Variants in CSMD1 observed in about 807,000 individuals in gnomAD.
CSMD1 encodes the protein CUB and Sushi multiple domains 1, also known as CUB and sushi domain-containing protein 1.
In CSMD1, 213 loss-of-function variants were observed where a neutral mutation model predicts 417.5. The observed-to-expected ratio is 0.51, with a 90% CI of 0.46 to 0.57. The LOEUF (loss-of-function observed/expected upper bound fraction) is 0.57. Ranked by LOEUF, CSMD1 falls within the 20% of genes least tolerant of loss-of-function variation. The pLI is 0.00. For missense variants in CSMD1, 6,923 were observed against 4,529.7 expected, an observed-to-expected ratio of 1.53 and a Z score of -15.17; for synonymous variants, 2,862 against 1,736.8, an observed-to-expected ratio of 1.65 and a Z score of -16.11.
chr8:4,784,741 A>C (rs1183333661), intron 1 of CSMD1, among the ~76,000 whole-genome samples: 8 of 152,238 alleles, frequency 5.3e-5, no homozygotes, highest in Non-Finnish European at 2.9e-5. Context: ...GATTTAAATG[A>C]AGTCATATCT....
chr8:4,890,982 G>C (rs1382202971), intron 1 of CSMD1, among the ~76,000 whole-genome samples: 1 of 152,056 alleles, frequency 6.6e-6, no homozygotes, highest in Non-Finnish European at 1.5e-5. Context: ...TTCATAGTAA[G>C]AACACATGTT....
chr8:4,733,044 T>C (rs754784927), intron 1 of CSMD1, among the ~76,000 whole-genome samples: 14 of 151,650 alleles, frequency 9.2e-5, no homozygotes, highest in East Asian at 5.8e-4. Flanking sequence ...AATCCCCAAA[T>C]GAAAAATAAC....
At chr8:3,938,427 T>C (rs1399726743) in intron 5 of CSMD1, among the ~76,000 whole-genome samples, 1 of 152,196 alleles carries the variant, frequency 6.6e-6, no homozygotes, top group Non-Finnish European at 1.5e-5. Context: ...AAAAGAATAG[T>C]AGAGCTTAAT....
chr8:4,688,223 A>T (rs377072523), intron 1 of CSMD1, among the ~76,000 whole-genome samples: 1 of 152,182 alleles, frequency 6.6e-6, no homozygotes, highest in East Asian at 1.9e-4. Context: ...ATCAATCCTT[A>T]TATCTTACGT....
At chr8:3,480,930 G>T (rs1450386471) in intron 11 of CSMD1, among the ~76,000 whole-genome samples, 1 of 151,992 alleles carries the variant, frequency 6.6e-6, no homozygotes, top group African/African-American at 2.4e-5. Context: ...GCCGAGGTGA[G>T]CGGATCACAA....
At chr8:4,584,934 G>T (rs915439984) in intron 2 of CSMD1, among the ~76,000 whole-genome samples, 2 of 152,092 alleles carry the variant, frequency 1.3e-5, no homozygotes, top group African/African-American at 2.4e-5. Flanking sequence ...AAGGAGATCA[G>T]CCCCAGTCTA....
intron 3 of CSMD1, among the ~76,000 whole-genome samples, chr8:4,091,675 C>G (rs932951862): frequency 1.3e-5 from 2 of 152,132 alleles, no homozygotes; most frequent in East Asian, 1.9e-4. Flanking sequence ...TGCTCACTCC[C>G]TAAAATCTGT....
At chr8:4,987,942 G>A (rs1811266622) in intron 1 of CSMD1, among the ~76,000 whole-genome samples, 1 of 152,220 alleles carries the variant, frequency 6.6e-6, no homozygotes, top group Admixed American at 6.5e-5. Context: ...GCCACAGGCT[G>A]AAGACTGCAC....
intron 3 of CSMD1, among the ~76,000 whole-genome samples, chr8:4,324,909 A>T (rs1483051116): frequency 6.6e-6 from 1 of 152,130 alleles, no homozygotes; most frequent in Non-Finnish European, 1.5e-5. Context: ...TCCTGAGTTG[A>T]TTCTAGGTAT....
At chr8:3,955,637 C>T (rs1811889651) in intron 5 of CSMD1, among the ~76,000 whole-genome samples, 1 of 152,110 alleles carries the variant, frequency 6.6e-6, no homozygotes, top group South Asian at 2.1e-4. Flanking sequence ...ATAAATACCT[C>T]ACTACTTCCT....
At chr8:4,378,447 A>G (rs1024385032) in intron 3 of CSMD1, among the ~76,000 whole-genome samples, 37 of 152,174 alleles carry the variant, frequency 2.4e-4, no homozygotes, top group African/African-American at 8.9e-4. Context: ...CTCAAAAATT[A>G]TTCTCTGTCT....
At position 3,230,029 on chromosome 8, in the gene CSMD1, T is replaced by C; in HGVS notation, c.4345+11A>G. ...CTGAATATAAAATTTCTAAGTTCTG[T>C]TGTCTGATACCTATGCATGTAGGAG... is the stretch of plus-strand genomic sequence containing the variant. On this transcript the variant is annotated intron_variant, in intron 27 of 69. Transcript: ENST00000635120. The C allele has an allele frequency of 6.6e-7, 1 of 1,523,142 alleles. No individual in the cohort carries two copies. The highest frequency in any genetic ancestry group is 8.8e-7 in the Non-Finnish European group (1 of 1,130,744). 94.4% of individuals were successfully genotyped at this position (1,523,142 alleles called of 1,614,324 possible). A position where few individuals can be genotyped will look rare whatever the true frequency, so the allele number is the denominator to read the frequency against.
At chr8:4,518,276 G>A (rs1803232852) in intron 2 of CSMD1, among the ~76,000 whole-genome samples, 1 of 152,018 alleles carries the variant, frequency 6.6e-6, no homozygotes, top group Admixed American at 6.6e-5. Context: ...AGCATCCGAC[G>A]CCCAGCAGCA....
intron 18 of CSMD1, among the ~76,000 whole-genome samples, chr8:3,371,332 T>C (rs949514693): frequency 1.3e-5 from 2 of 152,154 alleles, no homozygotes; most frequent in African/African-American, 4.8e-5. Context: ...TGGCCTCACA[T>C]GTAAAATGGG....
chr8:4,367,177 G>C (rs191740849), intron 3 of CSMD1, among the ~76,000 whole-genome samples: 24 of 152,248 alleles, frequency 1.6e-4, no homozygotes, highest in Admixed American at 1.5e-3. Context: ...AATTGTGTTA[G>C]AGCTTGCATT....
Position 4,110,221 on chromosome 8 carries a change from GAAATA to G in CSMD1, c.416-78127_416-78123del, listed in dbSNP as rs1472228786. Among the ~76,000 whole-genome samples the G allele has an allele frequency of 8.5e-5, 13 of 152,238 alleles. No homozygotes were observed. In the East Asian group the frequency reaches 1.2e-3, roughly 14 times the overall value. On this transcript the variant is annotated intron_variant, in intron 3 of 69. Transcript: ENST00000635120. ...TTTAAAATCTAGAGAATATAGATAT[GAAATA>G]AAATAAAACAAGACTGAAAGCTTGG...
chr8:3,568,985 T>C (rs779390173), intron 10 of CSMD1, among the ~76,000 whole-genome samples: 9 of 152,160 alleles, frequency 5.9e-5, no homozygotes, highest in Non-Finnish European at 1.2e-4. Flanking sequence ...TTTCAAGAAT[T>C]CTGATTGCAG....
At chr8:4,077,966 T>A (rs1328779233) in intron 3 of CSMD1, among the ~76,000 whole-genome samples, 4 of 152,038 alleles carry the variant, frequency 2.6e-5, no homozygotes, top group African/African-American at 9.7e-5. Context: ...TGCATGTGTG[T>A]CCCCAGGCTC....
intron 2 of CSMD1, among the ~76,000 whole-genome samples, chr8:4,550,466 G>C (rs1797821623): frequency 6.6e-6 from 1 of 151,534 alleles, no homozygotes. Flanking sequence ...TGCATTTTTA[G>C]GTCACTTTGA....
Sources: gnomAD v4.1 joint callset for allele counts (sites outside exome capture counted in the v4.1 genomes callset) on GRCh38, gnomAD v4.1.1 for gene constraint, MANE v1.5 for transcripts, NCBI Gene and HGNC (gene_info 2026-07-23, HGNC 2026-07-21) for gene names.